PRDM5: variants seen among roughly 807,000 people sequenced by gnomAD.
The protein encoded by PRDM5 is PR/SET domain 5.
A neutral mutation model predicts 81.2 loss-of-function variants in PRDM5; 56 were observed. That is an observed-to-expected ratio of 0.69 (90% CI 0.56 to 0.86). The LOEUF is 0.86. PRDM5 is among the 40% of genes least tolerant of loss of function. PRDM5 has a pLI of 0.00. For missense variants in PRDM5, 697 were observed against 770.1 expected (o/e 0.91, Z 1.12); for synonymous variants, 267 against 256.4 (o/e 1.04, Z -0.39).
In PRDM5 at chr4:120,881,464, C is replaced by T. The variant is rs146544148; in HGVS notation, c.177+26010G>A. 2.9e-3 allele frequency among the ~76,000 whole-genome samples: 436 copies of T among 152,236 alleles called. 2 individuals carry two copies. The highest frequency in any genetic ancestry group is 0.01 in the African/African-American group (420 of 41,534). Reference sequence around the variant, plus strand: ...TTTTCACAGAGTCTACTTCAAAAAACTAAATGCAAATATTTTCATTATGTG... The same window carrying T: ...TTTTCACAGAGTCTACTTCAAAAAATTAAATGCAAATATTTTCATTATGTG... On this transcript the variant is annotated intron_variant, in intron 2 of 15. Transcript: ENST00000264808.
At chr4:120,768,778 C>A (rs997911175) in intron 13 of PRDM5, among the ~76,000 whole-genome samples, 6 of 152,230 alleles carry the variant, frequency 3.9e-5, no homozygotes, top group Non-Finnish European at 2.9e-5. Context: ...AAGCTGAAAT[C>A]AAACAGTAAG....
intron 2 of PRDM5, among the ~76,000 whole-genome samples, chr4:120,894,180 T>C (rs1764369731): frequency 6.6e-6 from 1 of 152,224 alleles, no homozygotes. Flanking sequence ...GTTAAAACCA[T>C]ATTTTAGTAT....
At chr4:120,853,805 T>G (rs971616620) in intron 2 of PRDM5, among the ~76,000 whole-genome samples, 1 of 152,150 alleles carries the variant, frequency 6.6e-6, no homozygotes, top group Non-Finnish European at 1.5e-5. Flanking sequence ...CTGGTCAAAA[T>G]TATTTCGGTT....
intron 3 of PRDM5, among the ~76,000 whole-genome samples, chr4:120,836,077 C>G (rs1184948195): frequency 6.6e-6 from 1 of 151,966 alleles, no homozygotes; most frequent in Non-Finnish European, 1.5e-5. Flanking sequence ...AATGAAGACA[C>G]AGCATACAGA....
chr4:120,911,447 T>C (rs1278684530), intron 1 of PRDM5, among the ~76,000 whole-genome samples: 5 of 152,232 alleles, frequency 3.3e-5, no homozygotes, highest in Non-Finnish European at 7.3e-5. Context: ...GGAGCATCTT[T>C]GTTTTTATTC....
chr4:120,843,467 C>T (rs1758288454), intron 3 of PRDM5, among the ~76,000 whole-genome samples: 1 of 151,856 alleles, frequency 6.6e-6, no homozygotes, highest in Non-Finnish European at 1.5e-5. Context: ...CTTTGTGAGG[C>T]CAAGGCAGGA....
Position 120,735,161 on chromosome 4 carries a change from A to G in PRDM5, c.1623+19392T>C, listed in dbSNP as rs183591584. Among the ~76,000 whole-genome samples, 67 of 152,326 alleles carry G rather than the reference A, an allele frequency of 4.4e-4. 1 individual carries two copies. Among genetic ancestry groups the G allele is most frequent in the Admixed American group, 4.0e-3 (61 of 15,298 alleles). On this transcript the variant is annotated intron_variant, in intron 14 of 15. Transcript: ENST00000264808. ...TGAAGTTAAATAGAAACTGTCATGG[A>G]ATTCCCTAAGATCAATTCTTTTGCT... is the stretch of plus-strand genomic sequence containing the variant.
chr4:120,781,084 A>G, intron 12 of PRDM5, 59 bp downstream of exon 12: 3 of 1,390,238 alleles, frequency 2.2e-6, no homozygotes, highest in Non-Finnish European at 2.0e-6. Flanking sequence ...TAGTTAACAT[A>G]TATACCCATA....
intron 1 of PRDM5, among the ~76,000 whole-genome samples, chr4:120,686,484 T>C (rs1733838143): frequency 6.6e-6 from 1 of 152,300 alleles, no homozygotes; most frequent in Admixed American, 6.5e-5. Flanking sequence ...ATCTGATTTA[T>C]AACATGAAGT....
chr4:120,815,186 T>C (rs1754323609), intron 7 of PRDM5, among the ~76,000 whole-genome samples: 1 of 152,230 alleles, frequency 6.6e-6, no homozygotes, highest in Non-Finnish European at 1.5e-5. Flanking sequence ...GCATTTTAAC[T>C]AGAACAGCAT....
At chr4:120,685,855 T>C (rs1375306354) in intron 1 of PRDM5, among the ~76,000 whole-genome samples, 1 of 152,104 alleles carries the variant, frequency 6.6e-6, no homozygotes, top group African/African-American at 2.4e-5. Context: ...TCATATAGTT[T>C]GGATATGTAT....
chr4:120,918,284 C>T (rs552766792), intron 1 of PRDM5, among the ~76,000 whole-genome samples: 1 of 152,170 alleles, frequency 6.6e-6, no homozygotes, highest in South Asian at 2.1e-4. Flanking sequence ...ATAGCATATA[C>T]GGCAGGCTTC....
intron 14 of PRDM5, among the ~76,000 whole-genome samples, chr4:120,734,308 A>T (rs1257688346): frequency 6.6e-6 from 1 of 151,872 alleles, no homozygotes; most frequent in South Asian, 2.1e-4. Context: ...ATAAGTATTG[A>T]TGCAGCCATA....
At chr4:120,888,882 C>G (rs1378143182) in intron 2 of PRDM5, among the ~76,000 whole-genome samples, 3 of 152,174 alleles carry the variant, frequency 2.0e-5, no homozygotes, top group Non-Finnish European at 2.9e-5. Context: ...GCCATCTGGA[C>G]ATCTTCTTGT....
At chr4:120,699,191 T>A (rs1379770949) in intron 15 of PRDM5, among the ~76,000 whole-genome samples, 3 of 122,966 alleles carry the variant, frequency 2.4e-5, no homozygotes, top group Non-Finnish European at 4.9e-5. Flanking sequence ...TATATATATA[T>A]ATATATATAT....
At position 120,710,306 on chromosome 4, in the gene PRDM5, C is replaced by G; in HGVS notation, c.1728+3G>C. The G allele has an allele frequency of 6.2e-7, 1 of 1,613,668 alleles. No homozygotes were observed. The highest frequency in any genetic ancestry group is 8.5e-7 in the Non-Finnish European group (1 of 1,179,850). On this transcript the variant is annotated splice_donor_region_variant and intron_variant, in intron 15 of 15. Coordinates refer to ENST00000264808, the MANE Select transcript of PRDM5 (RefSeq NM_018699.4). ...ACTATGGGGGAAAAAAATCCAAACTCACATCACACTGAAAAGGCTTTTCTC... is the reference window on the plus strand; with the variant it reads ...ACTATGGGGGAAAAAAATCCAAACTGACATCACACTGAAAAGGCTTTTCTC...
At chr4:120,886,632 A>G (rs1262891872) in intron 2 of PRDM5, among the ~76,000 whole-genome samples, 2 of 152,200 alleles carry the variant, frequency 1.3e-5, no homozygotes, top group Admixed American at 1.3e-4. Flanking sequence ...AAGAACGCCA[A>G]TGGTAAAAAT....
chr4:120,830,803 G>C (rs141200825), intron 3 of PRDM5, among the ~76,000 whole-genome samples: 2 of 152,152 alleles, frequency 1.3e-5, no homozygotes, highest in East Asian at 3.9e-4. Context: ...GGAGGAAACA[G>C]TTTAGTATGA....
At chr4:120,744,576 C>G (rs1310704771) in intron 14 of PRDM5, among the ~76,000 whole-genome samples, 1 of 151,944 alleles carries the variant, frequency 6.6e-6, no homozygotes. Context: ...CAAATAGACG[C>G]AAGAAAAAAT....
Sources: allele counts gnomAD v4.1 joint callset (sites outside exome capture counted in the v4.1 genomes callset), GRCh38; gene constraint gnomAD v4.1.1; transcripts MANE v1.5; gene names NCBI Gene and HGNC (gene_info 2026-07-23, HGNC 2026-07-21).